FHIT: variants seen among roughly 807,000 people sequenced by gnomAD.
FHIT encodes the protein fragile histidine triad diadenosine triphosphatase, also known as bis(5'-adenosyl)-triphosphatase.
FHIT carries 19 observed loss-of-function variants against 17.9 expected under a neutral mutation model. The ratio of observed to expected loss-of-function variants is 1.06; its 90% confidence interval spans 0.74 to 1.56. The LOEUF (loss-of-function observed/expected upper bound fraction) is 1.56. FHIT is among the 40% of genes most tolerant of loss of function. FHIT has a pLI of 0.00. For missense variants in FHIT, 248 were observed against 189.2 expected (o/e 1.31, Z -1.82); for synonymous variants, 81 against 69.7 (o/e 1.16, Z -0.81).
intron 4 of FHIT, among the ~76,000 whole-genome samples, chr3:60,810,959 C>T (rs1701553819): frequency 6.6e-6 from 1 of 152,120 alleles, no homozygotes; most frequent in Non-Finnish European, 1.5e-5. Context: ...GCCTTGGTGA[C>T]AGAGAGATAG....
intron 5 of FHIT, among the ~76,000 whole-genome samples, chr3:60,312,821 C>G (rs909825809): frequency 1.1e-4 from 16 of 152,148 alleles, no homozygotes; most frequent in Non-Finnish European, 1.9e-4. Flanking sequence ...TGAATAGGAA[C>G]AACTAATTCT....
chr3:60,130,784 G>GTATACACACATATATGTGTGTGTGTGT (rs148356992), intron 5 of FHIT, among the ~76,000 whole-genome samples: 1 of 111,628 alleles, frequency 9.0e-6, no homozygotes, highest in Non-Finnish European at 2.0e-5. Flanking sequence ...GTGTGTGTGT[G>GTATACACACATATATGTGTGTGTGTGT]GTGTGTATAT....
intron 1 of FHIT, among the ~76,000 whole-genome samples, chr3:61,235,440 TA>T (rs2040206829): frequency 6.6e-6 from 1 of 151,932 alleles, no homozygotes; most frequent in Non-Finnish European, 1.5e-5. Context: ...AAAAAAAAAG[TA>T]AGGTCTCTTT....
chr3:60,363,558 G>C (rs2107012879), intron 5 of FHIT, among the ~76,000 whole-genome samples: 1 of 152,194 alleles, frequency 6.6e-6, no homozygotes, highest in East Asian at 1.9e-4. Context: ...TGGAGATGTG[G>C]AGTGGTTACA....
At chr3:60,042,052 A>G (rs1384756131) in intron 5 of FHIT, among the ~76,000 whole-genome samples, 1 of 152,216 alleles carries the variant, frequency 6.6e-6, no homozygotes, top group Non-Finnish European at 1.5e-5. Context: ...GAACACTCTC[A>G]GACGAAGGCC....
rs545236879 is a variant in FHIT at position 61,236,829 on chromosome 3, T to A, written c.-213+14472A>T. On this transcript the variant is annotated intron_variant, in intron 1 of 9. Transcript: ENST00000492590. ...TGCTCCCTGCTGACCCTGGGACTGCTGCATATGCTTCCTGGCCCACTCAGA... is the reference window on the plus strand; with the variant it reads ...TGCTCCCTGCTGACCCTGGGACTGCAGCATATGCTTCCTGGCCCACTCAGA... Among the ~76,000 whole-genome samples, 30 of 152,314 alleles carry A rather than the reference T, an allele frequency of 2.0e-4. No homozygotes were observed. In the South Asian group the frequency reaches 3.9e-3, roughly 20 times the overall value.
chr3:61,047,555 C>T (rs2033852231), intron 2 of FHIT, among the ~76,000 whole-genome samples: 3 of 152,232 alleles, frequency 2.0e-5, no homozygotes, highest in East Asian at 3.9e-4. Context: ...GGTTATACTG[C>T]CCAAGGTAAT....
intron 8 of FHIT, among the ~76,000 whole-genome samples, chr3:59,761,024 G>A (rs1053116646): frequency 6.6e-6 from 1 of 152,158 alleles, no homozygotes; most frequent in Non-Finnish European, 1.5e-5. Flanking sequence ...AAGAACAGGA[G>A]CCTGGAACTG....
At chr3:60,404,082 A>T (rs1701762019) in intron 5 of FHIT, among the ~76,000 whole-genome samples, 1 of 152,202 alleles carries the variant, frequency 6.6e-6, no homozygotes, top group Admixed American at 6.5e-5. Context: ...GCCTTTGCAC[A>T]GAAGTGCAAC....
chr3:60,533,227 A>G (rs1268888904), intron 5 of FHIT, among the ~76,000 whole-genome samples: 1 of 152,194 alleles, frequency 6.6e-6, no homozygotes, highest in Non-Finnish European at 1.5e-5. Context: ...AAACATCTGG[A>G]AAAAAGTGGT....
intron 5 of FHIT, among the ~76,000 whole-genome samples, chr3:60,423,137 C>G (rs543253752): frequency 9.4e-4 from 143 of 152,212 alleles, no homozygotes; most frequent in Non-Finnish European, 1.6e-3. Context: ...AGCGAGGGAC[C>G]AGCCTCAAGT....
intron 2 of FHIT, among the ~76,000 whole-genome samples, chr3:61,161,072 C>T (rs146134756): frequency 4.7e-4 from 71 of 151,416 alleles, no homozygotes; most frequent in African/African-American, 1.5e-3. Context: ...AACAGTAAGC[C>T]TGCTTTTGCT....
rs188952166 is a variant in FHIT, at chr3:60,479,505, C to T, written c.103+57355G>A. 1.6e-3 allele frequency among the ~76,000 whole-genome samples: 245 copies of T among 152,250 alleles called. 1 individual carries two copies. Among genetic ancestry groups the T allele is most frequent in the African/African-American group, 5.6e-3 (231 of 41,540 alleles). On this transcript the variant is annotated intron_variant, in intron 5 of 9. Transcript: ENST00000492590. ...TCCTAGCTGTCTTAATGACATAGCA[C>T]AAGACATTACTTATGTGTTTGCAGT...
chr3:60,197,877 A>T (rs1702717742), intron 5 of FHIT, among the ~76,000 whole-genome samples: 5 of 152,186 alleles, frequency 3.3e-5, no homozygotes, highest in Admixed American at 3.3e-4. Flanking sequence ...AAACCAACAC[A>T]GCAGCTTTGT....
At chr3:60,362,070 G>A (rs1699928033) in intron 5 of FHIT, among the ~76,000 whole-genome samples, 1 of 151,402 alleles carries the variant, frequency 6.6e-6, no homozygotes, top group South Asian at 2.1e-4. Context: ...TTAATACTGA[G>A]ATTTAAAAAA....
At chr3:60,503,339 T>C (rs12498126) in intron 5 of FHIT, among the ~76,000 whole-genome samples, 67,267 of 151,546 alleles carry the variant, frequency 0.44, 15,100 homozygotes, top group African/African-American at 0.5. Context: ...ATGTGAAATT[T>C]TATTGTATGT....
At chr3:60,157,115 T>G (rs1700735920) in intron 5 of FHIT, among the ~76,000 whole-genome samples, 1 of 152,194 alleles carries the variant, frequency 6.6e-6, no homozygotes, top group Non-Finnish European at 1.5e-5. Context: ...AAACATTTAT[T>G]GATTTATTAA....
In FHIT at chr3:60,536,850, G is replaced by C; in HGVS notation, c.103+10C>G. ...TATTTTCCCTCTCCAAAAAAAAAAAGAAAGGATACGTCCTGGTACCACAGG... is the reference window on the plus strand; with the variant it reads ...TATTTTCCCTCTCCAAAAAAAAAAACAAAGGATACGTCCTGGTACCACAGG... On this transcript the variant is annotated intron_variant, in intron 5 of 9. Transcript: ENST00000492590. 1 of 1,548,546 alleles carries C rather than the reference G, an allele frequency of 6.5e-7. No homozygotes were observed. Among genetic ancestry groups the C allele is most frequent in the South Asian group, 1.3e-5 (1 of 79,404 alleles).
chr3:60,838,401 G>T (rs1553744274), intron 3 of FHIT, among the ~76,000 whole-genome samples: 2 of 152,186 alleles, frequency 1.3e-5, no homozygotes, highest in African/African-American at 4.8e-5. Context: ...GAACCCGGGA[G>T]GCAGAGCTTG....
Sources: allele counts gnomAD v4.1 joint callset (sites outside exome capture counted in the v4.1 genomes callset), GRCh38; gene constraint gnomAD v4.1.1; transcripts MANE v1.5; gene names NCBI Gene and HGNC (gene_info 2026-07-23, HGNC 2026-07-21).